The following ANO4 variants were observed in gnomAD, a reference collection of about 807,000 sequenced individuals.
ANO4 encodes the protein anoctamin 4.
Under a neutral mutation model 141.9 loss-of-function variants are expected in ANO4, and 69 were observed. That is an observed-to-expected ratio of 0.49 (90% CI 0.40 to 0.59). The LOEUF (loss-of-function observed/expected upper bound fraction) is 0.59, where lower values mean the gene tolerates loss of function less well. ANO4 is among the 20% of genes least tolerant of loss of function. The pLI, the probability that ANO4 is intolerant of heterozygous loss-of-function variation, is 0.00. For missense variants in ANO4, 894 were observed against 1,162.2 expected, an observed-to-expected ratio of 0.77 and a Z score of 3.36; for synonymous variants, 350 against 394.3, an observed-to-expected ratio of 0.89 and a Z score of 1.33.
At chr12:101,072,637 A>T (rs905739255) in intron 14 of ANO4, among the ~76,000 whole-genome samples, 7 of 152,204 alleles carry the variant, frequency 4.6e-5, no homozygotes, top group Middle Eastern at 6.3e-3. Context: ...AGAAAGTAAC[A>T]TCAGAGTGAA....
chr12:100,851,242 C>T (rs1399103877), intron 1 of ANO4, among the ~76,000 whole-genome samples: 1 of 152,094 alleles, frequency 6.6e-6, no homozygotes, highest in Non-Finnish European at 1.5e-5. Context: ...TTTTTAAAAA[C>T]ATGCACAATT....
At chr12:101,018,254 G>GT (rs2046390103) in intron 8 of ANO4, among the ~76,000 whole-genome samples, 2 of 152,166 alleles carry the variant, frequency 1.3e-5, no homozygotes, top group Non-Finnish European at 2.9e-5. Flanking sequence ...GAGACTCTCG[G>GT]TTTTCTCCTC....
chr12:100,811,081 A>C (rs1593393761), intron 1 of ANO4, among the ~76,000 whole-genome samples: 1 of 152,274 alleles, frequency 6.6e-6, no homozygotes, highest in African/African-American at 2.4e-5. Flanking sequence ...AGGAAATAGT[A>C]ATCAAAGCCC....
At chr12:100,854,276 A>G (rs1399497788) in intron 1 of ANO4, among the ~76,000 whole-genome samples, 2 of 152,108 alleles carry the variant, frequency 1.3e-5, no homozygotes, top group African/African-American at 4.8e-5. Context: ...TGTCAATGTA[A>G]TTATGGTTTC....
intron 1 of ANO4, among the ~76,000 whole-genome samples, chr12:100,867,400 C>T (rs1360209502): frequency 2.6e-5 from 4 of 152,100 alleles, no homozygotes; most frequent in Admixed American, 6.6e-5. Context: ...TAAGGTCTAG[C>T]CTGAGTCTGA....
intron 1 of ANO4, among the ~76,000 whole-genome samples, chr12:100,895,756 T>A (rs955573137): frequency 1.3e-5 from 2 of 152,010 alleles, no homozygotes; most frequent in East Asian, 1.9e-4. Flanking sequence ...GAGATGGGGT[T>A]TCACCATGTT....
chr12:100,775,500 C>A (rs1274255420), intron 3 of ANO4, among the ~76,000 whole-genome samples: 2 of 152,176 alleles, frequency 1.3e-5, no homozygotes, highest in Admixed American at 1.3e-4. Context: ...TGTTATCAAA[C>A]AGATCTGGGC....
At chr12:101,118,891 C>T (rs957409116) in intron 25 of ANO4, among the ~76,000 whole-genome samples, 8 of 143,150 alleles carry the variant, frequency 5.6e-5, no homozygotes, top group African/African-American at 1.3e-4. Context: ...CGACAGGCCC[C>T]GGTGTGTGAT....
intron 5 of ANO4, among the ~76,000 whole-genome samples, chr12:100,952,504 A>T (rs906881349): frequency 6.6e-6 from 1 of 152,166 alleles, no homozygotes; most frequent in Non-Finnish European, 1.5e-5. Context: ...CAAGCATTCA[A>T]TCCTGTCACC....
chr12:100,845,374 G>C (rs2037502118), intron 1 of ANO4, among the ~76,000 whole-genome samples: 1 of 152,070 alleles, frequency 6.6e-6, no homozygotes, highest in African/African-American at 2.4e-5. Context: ...AATTACTCTG[G>C]GGTTTAAAGG....
At chr12:100,841,466 A>G (rs1437212304) in intron 1 of ANO4, among the ~76,000 whole-genome samples, 2 of 152,186 alleles carry the variant, frequency 1.3e-5, no homozygotes, top group Non-Finnish European at 1.5e-5. Context: ...ATAAGCAGAA[A>G]CATCTCTTAG....
intron 14 of ANO4, among the ~76,000 whole-genome samples, chr12:101,074,544 T>C (rs1184308668): frequency 3.3e-5 from 5 of 152,216 alleles, no homozygotes; most frequent in Non-Finnish European, 5.9e-5. Context: ...AACCATATTC[T>C]CAGCAACAAT....
chr12:100,946,997 C>G (rs1244118638), intron 5 of ANO4, among the ~76,000 whole-genome samples: 1 of 152,014 alleles, frequency 6.6e-6, no homozygotes, highest in Non-Finnish European at 1.5e-5. Context: ...GTGGTCTGGG[C>G]AAGAGAAGTT....
rs529667868 is a variant in ANO4, at chr12:101,059,686, C to A, written c.1312+11285C>A. Among the ~76,000 whole-genome samples, 4 of 152,244 alleles carry A rather than the reference C, an allele frequency of 2.6e-5. No individual in the cohort carries two copies. The East Asian group carries it at 5.8e-4, about 22-fold the overall frequency. On this transcript the variant is annotated intron_variant, in intron 14 of 27. Coordinates refer to ENST00000392977, the MANE Select transcript of ANO4 (RefSeq NM_001286615.2). ...TTTGTGTAGAGGTGTTTATAGTATT[C>A]TCTGATGGTAGATTGTATTTCTGTG...
chr12:100,924,876 A>T (rs1473824125), intron 3 of ANO4, among the ~76,000 whole-genome samples: 1 of 152,064 alleles, frequency 6.6e-6, no homozygotes, highest in Non-Finnish European at 1.5e-5. Context: ...TTTTATAGTA[A>T]TTTTTATTAC....
intron 3 of ANO4, among the ~76,000 whole-genome samples, chr12:100,743,028 A>C (rs548298106): frequency 6.6e-6 from 1 of 152,000 alleles, no homozygotes; most frequent in Non-Finnish European, 1.5e-5. Flanking sequence ...CATCCATCCA[A>C]TATACACTAA....
intron 15 of ANO4, among the ~76,000 whole-genome samples, chr12:101,081,031 A>G (rs11615454): frequency 0.46 from 68,208 of 147,580 alleles, 16,544 homozygotes; most frequent in African/African-American, 0.63. Flanking sequence ...GAGTGTGTGT[A>G]TGTGTGTGTG....
intron 16 of ANO4, among the ~76,000 whole-genome samples, chr12:101,084,368 G>T (rs1449524521): frequency 6.6e-6 from 1 of 152,140 alleles, no homozygotes; most frequent in Admixed American, 6.5e-5. Context: ...GATCATGTCA[G>T]TTTGAAAAAC....
chr12:100,958,787 G>A (rs1566057617), intron 5 of ANO4, among the ~76,000 whole-genome samples: 1 of 152,226 alleles, frequency 6.6e-6, no homozygotes, highest in Non-Finnish European at 1.5e-5. Flanking sequence ...GGTTGAGGCT[G>A]CAGTGAGCCA....
Sources: allele counts gnomAD v4.1 joint callset (sites outside exome capture counted in the v4.1 genomes callset), GRCh38; gene constraint gnomAD v4.1.1; transcripts MANE v1.5; gene names NCBI Gene and HGNC (gene_info 2026-07-23, HGNC 2026-07-21).